RALYL: variants seen among roughly 807,000 people sequenced by gnomAD.
RALYL encodes the protein RNA-binding Raly-like protein.
RALYL carries 29 observed loss-of-function variants against 35.1 expected under a neutral mutation model. The ratio of observed to expected loss-of-function variants is 0.83; its 90% CI spans 0.61 to 1.13. RALYL has a LOEUF of 1.13. Ranked by LOEUF, RALYL falls within the 50% of genes most tolerant of loss-of-function variation. RALYL has a pLI of 0.00. For missense variants in RALYL, 359 were observed against 360.4 expected, an observed-to-expected ratio of 1.00 and a Z score of 0.03; for synonymous variants, 120 against 127.6, an observed-to-expected ratio of 0.94 and a Z score of 0.40.
At chr8:84,473,824 G>A (rs1457995527) in intron 1 of RALYL, among the ~76,000 whole-genome samples, 1 of 151,796 alleles carries the variant, frequency 6.6e-6, no homozygotes, top group East Asian at 1.9e-4. Context: ...GATCTATCAT[G>A]TGAAACCATA....
chr8:84,682,355 A>C (rs936525282), intron 2 of RALYL, among the ~76,000 whole-genome samples: 42 of 152,290 alleles, frequency 2.8e-4, no homozygotes, highest in Non-Finnish European at 1.0e-4. Flanking sequence ...CTGGCCTCAT[A>C]AAATGAGTTA....
chr8:84,696,205 T>A (rs145480581), intron 2 of RALYL, among the ~76,000 whole-genome samples: 2 of 151,806 alleles, frequency 1.3e-5, no homozygotes, highest in South Asian at 4.1e-4. Context: ...TTAAGTTCAT[T>A]TAATTTAAAT....
At chr8:84,686,342 A>G (rs926144715) in intron 2 of RALYL, among the ~76,000 whole-genome samples, 2 of 152,250 alleles carry the variant, frequency 1.3e-5, no homozygotes, top group African/African-American at 4.8e-5. Context: ...GTGAAAGAGA[A>G]CATCATGTTT....
chr8:84,504,013 T>C (rs1344765676), intron 1 of RALYL, among the ~76,000 whole-genome samples: 1 of 151,982 alleles, frequency 6.6e-6, no homozygotes, highest in Non-Finnish European at 1.5e-5. Flanking sequence ...AAGATGACCA[T>C]ACCTGATTGC....
At chr8:84,693,370 T>C (rs1258338170) in intron 2 of RALYL, among the ~76,000 whole-genome samples, 2 of 151,514 alleles carry the variant, frequency 1.3e-5, no homozygotes, top group Non-Finnish European at 1.5e-5. Context: ...GAAGAAGAAA[T>C]GTCAAGCAAA....
chr8:84,609,235 A>C lies in RALYL; in HGVS notation c.256+79658A>C, dbSNP rs376070634. Among the ~76,000 whole-genome samples the C allele has an allele frequency of 8.0e-4, 122 of 152,288 alleles. No individual in the cohort carries two copies. In the East Asian group the frequency reaches 0.015, roughly 19 times the overall value. Reference sequence around the variant, plus strand: ...ATGTGTAGGAGGCACAGAGAATTGGAAACAGTTAAGGGGTCTGAGTTTAAT... The same window carrying C: ...ATGTGTAGGAGGCACAGAGAATTGGCAACAGTTAAGGGGTCTGAGTTTAAT... On this transcript the variant is annotated intron_variant, in intron 2 of 8. Coordinates refer to ENST00000521268, the MANE Select transcript of RALYL (RefSeq NM_173848.7).
chr8:84,808,518 T>C (rs1441425998), intron 4 of RALYL, among the ~76,000 whole-genome samples: 1 of 152,190 alleles, frequency 6.6e-6, no homozygotes, highest in East Asian at 1.9e-4. Context: ...AATTTTAGAA[T>C]TGTTTTTTCT....
intron 2 of RALYL, among the ~76,000 whole-genome samples, chr8:84,610,552 T>A (rs1225585574): frequency 6.6e-6 from 1 of 152,134 alleles, no homozygotes; most frequent in Non-Finnish European, 1.5e-5. Flanking sequence ...GTAATGTTAT[T>A]CTTCGCTGCT....
intron 1 of RALYL, among the ~76,000 whole-genome samples, chr8:84,263,178 G>A (rs1832637332): frequency 6.6e-6 from 1 of 152,116 alleles, no homozygotes. Context: ...GGTCTTCAAA[G>A]TTCTAAGTAA....
At chr8:84,699,149 T>C (rs1839760612) in intron 2 of RALYL, among the ~76,000 whole-genome samples, 2 of 152,174 alleles carry the variant, frequency 1.3e-5, no homozygotes, top group Non-Finnish European at 2.9e-5. Flanking sequence ...ATTCTATGCA[T>C]AATTTTCATG....
chr8:84,628,728 G>C (rs1157590143), intron 2 of RALYL, among the ~76,000 whole-genome samples: 1 of 152,152 alleles, frequency 6.6e-6, no homozygotes, highest in East Asian at 1.9e-4. Context: ...GGTGGATAGA[G>C]GGGCCTAGCA....
chr8:84,835,728 A>AAT (rs1831882056), intron 4 of RALYL, among the ~76,000 whole-genome samples: 1 of 151,842 alleles, frequency 6.6e-6, no homozygotes, highest in South Asian at 2.1e-4. Context: ...CAGCAGAAAG[A>AAT]ATATACCACA....
intron 3 of RALYL, among the ~76,000 whole-genome samples, chr8:84,789,402 A>G (rs1250156115): frequency 2.6e-5 from 4 of 152,222 alleles, no homozygotes; most frequent in Non-Finnish European, 5.9e-5. Flanking sequence ...GACACTTATG[A>G]TACTGTGAGA....
At chr8:84,202,757 A>C (rs1029240572) in intron 1 of RALYL, among the ~76,000 whole-genome samples, 2 of 152,136 alleles carry the variant, frequency 1.3e-5, no homozygotes, top group African/African-American at 2.4e-5. Flanking sequence ...ACAAAATTGC[A>C]TTTTGTACAG....
intron 2 of RALYL, among the ~76,000 whole-genome samples, chr8:84,639,528 T>C (rs139780541): frequency 5.5e-4 from 84 of 152,146 alleles, no homozygotes; most frequent in South Asian, 4.8e-3. Flanking sequence ...ACTGGTTTTT[T>C]AGGTTTCTTT....
chr8:84,194,464 G>T (rs902182459), intron 1 of RALYL, among the ~76,000 whole-genome samples: 22 of 152,176 alleles, frequency 1.4e-4, no homozygotes, highest in Admixed American at 9.2e-4. Flanking sequence ...AGAATTTTCA[G>T]TTACTACAGA....
intron 1 of RALYL, among the ~76,000 whole-genome samples, chr8:84,446,618 G>A (rs551643494): frequency 1.3e-5 from 2 of 152,160 alleles, no homozygotes; most frequent in East Asian, 3.9e-4. Context: ...GAACACATCT[G>A]TAGGAAATAA....
At chr8:84,184,472 T>C (rs1331513551) in intron 1 of RALYL, 48 bp downstream of exon 1, 1 of 153,848 alleles carries the variant, frequency 6.5e-6, no homozygotes, top group East Asian at 1.9e-4. Context: ...GTGGCAACAC[T>C]GGTCCTAGCA....
At chr8:84,439,705 A>AT (rs1331071485) in intron 1 of RALYL, among the ~76,000 whole-genome samples, 1 of 151,790 alleles carries the variant, frequency 6.6e-6, no homozygotes, top group Non-Finnish European at 1.5e-5. Context: ...TATGCTCCTG[A>AT]TTTTAGTAAT....
Sources: gnomAD v4.1 joint callset for allele counts (sites outside exome capture counted in the v4.1 genomes callset) on GRCh38, gnomAD v4.1.1 for gene constraint, MANE v1.5 for transcripts, NCBI Gene and HGNC (gene_info 2026-07-23, HGNC 2026-07-21) for gene names.